The following OPRM1 variants were observed in gnomAD, a reference collection of about 807,000 sequenced individuals.
OPRM1 encodes the protein opioid receptor mu 1.
OPRM1 carries 27 observed loss-of-function variants against 31.8 expected under a neutral mutation model. That is an observed-to-expected ratio of 0.85 (90% CI 0.63 to 1.17). The LOEUF is 1.17. Among genes scored for constraint, OPRM1 ranks in the 50% most tolerant of loss-of-function variants. OPRM1 has a pLI of 0.00. For missense variants in OPRM1, 536 were observed against 511.1 expected, an observed-to-expected ratio of 1.05 and a Z score of -0.47; for synonymous variants, 196 against 189.9, an observed-to-expected ratio of 1.03 and a Z score of -0.26.
chr6:154,199,822 C>T (rs1448290101), intron 3 of OPRM1: 2 of 1,614,200 alleles, frequency 1.2e-6, no homozygotes, highest in East Asian at 2.2e-5. Flanking sequence ...GGATGCCTGC[C>T]TCTGAGGGTA....
At chr6:154,028,124 C>T (rs867989205) in intron 1 of OPRM1, among the ~76,000 whole-genome samples, 1 of 152,206 alleles carries the variant, frequency 6.6e-6, no homozygotes, top group African/African-American at 2.4e-5. Flanking sequence ...CAGTCTTACT[C>T]AAGGCCCTCG....
At chr6:154,069,440 T>C (rs1369138543) in intron 1 of OPRM1, among the ~76,000 whole-genome samples, 6 of 152,166 alleles carry the variant, frequency 3.9e-5, no homozygotes, top group Admixed American at 6.5e-5. Context: ...GGTTTCACCA[T>C]GTTGGCCAGG....
Position 154,167,328 on chromosome 6 carries a change from C to T in OPRM1, c.1164+75856C>T, listed in dbSNP as rs1054320752. On this transcript the variant is annotated intron_variant, in intron 3 of 3. Transcript: ENST00000337049. ...GCTTCAGTACTTCCTGTACACTTTC[C>T]CTTATTCCCATTGTGAAAACATCTG... 5.3e-5 allele frequency among the ~76,000 whole-genome samples: 8 copies of T among 152,270 alleles called. No homozygotes were observed. In the South Asian group the frequency reaches 8.3e-4, roughly 16 times the overall value.
Position 154,055,363 on chromosome 6 carries a change from G to T in OPRM1, c.290+15529G>T, listed in dbSNP as rs1783040237. 3.3e-5 allele frequency among the ~76,000 whole-genome samples: 5 copies of T among 152,072 alleles called. No individual in the cohort carries two copies. The South Asian group carries it at 1.0e-3, about 32-fold the overall frequency. On this transcript the variant is annotated intron_variant, in intron 1 of 3. Transcript: ENST00000330432. ...AGATGGTGCCACTGCACTCCAGTCTGGGTGACAGAGTGAAACATCGTCTGA... is the reference window on the plus strand; with the variant it reads ...AGATGGTGCCACTGCACTCCAGTCTTGGTGACAGAGTGAAACATCGTCTGA...
intron 1 of OPRM1, among the ~76,000 whole-genome samples, chr6:154,073,083 T>C (rs1441420472): frequency 6.6e-6 from 1 of 152,032 alleles, no homozygotes; most frequent in Non-Finnish European, 1.5e-5. Flanking sequence ...AGCAGAGAAA[T>C]GGTGGATGAC....
intron 3 of OPRM1, chr6:154,093,603 C>A: frequency 7.2e-7 from 1 of 1,397,612 alleles, no homozygotes; most frequent in Non-Finnish European, 9.5e-7. Context: ...TTTAAAAATA[C>A]ATCCAATTAG....
intron 3 of OPRM1, among the ~76,000 whole-genome samples, chr6:154,243,910 A>G (rs1338786129): frequency 2.6e-5 from 4 of 152,208 alleles, no homozygotes; most frequent in African/African-American, 9.7e-5. Context: ...GAGAGCATAT[A>G]TGCAAGGTAC....
chr6:154,161,123 CT>C (rs1284198644), intron 3 of OPRM1, among the ~76,000 whole-genome samples: 1 of 152,190 alleles, frequency 6.6e-6, no homozygotes, highest in African/African-American at 2.4e-5. Context: ...TCTTCCTTGC[CT>C]TTCTTCACCT....
chr6:154,062,575 A>G (rs1229057241), intron 1 of OPRM1, among the ~76,000 whole-genome samples: 1 of 152,108 alleles, frequency 6.6e-6, no homozygotes, highest in East Asian at 1.9e-4. Flanking sequence ...CTGAAAAAAA[A>G]ATCTCAATAA....
At chr6:154,204,636 T>C (rs1270841317) in intron 3 of OPRM1, among the ~76,000 whole-genome samples, 1 of 152,196 alleles carries the variant, frequency 6.6e-6, no homozygotes, top group Non-Finnish European at 1.5e-5. Flanking sequence ...TACTCATCAC[T>C]GTGATCCTTA....
chr6:154,102,389 TCAGG>T (rs1794963685), intron 3 of OPRM1, among the ~76,000 whole-genome samples: 1 of 152,300 alleles, frequency 6.6e-6, no homozygotes, highest in Admixed American at 6.5e-5. Flanking sequence ...ATCCAAAGTG[TCAGG>T]CAACTGGCTA....
rs1797858496 is a variant in OPRM1, at chr6:154,130,877, A to G, written c.*12156A>G. 2.0e-5 allele frequency among the ~76,000 whole-genome samples: 3 copies of G among 152,206 alleles called. No individual in the cohort carries two copies. In the South Asian group the frequency reaches 6.2e-4, roughly 32 times the overall value. On this transcript the variant is annotated 3_prime_UTR_variant, in exon 4 of 4. Transcript: ENST00000330432. ...CTTCCCCTGGCAATACATTTCCTGA[A>G]CTTTTACATACTTAAATAGCCAGTT... is the stretch of plus-strand genomic sequence containing the variant.
chr6:154,140,930 C>G (rs1798190792), intron 3 of OPRM1, among the ~76,000 whole-genome samples: 2 of 152,300 alleles, frequency 1.3e-5, no homozygotes, highest in African/African-American at 4.8e-5. Flanking sequence ...GCTGTAGAAG[C>G]CAGACTGAAT....
chr6:154,029,993 G>A (rs1487872742), intron 1 of OPRM1, among the ~76,000 whole-genome samples: 1 of 151,634 alleles, frequency 6.6e-6, no homozygotes, highest in Admixed American at 6.6e-5. Flanking sequence ...AGCAGCGTGA[G>A]AATGGTCTAA....
At chr6:154,108,692 C>T (rs752423558) in intron 3 of OPRM1, 2 of 679,608 alleles carry the variant, frequency 2.9e-6, no homozygotes, top group East Asian at 1.3e-4. Context: ...GGGACTTTAA[C>T]GAGAGGGGTC....
At position 154,118,718 on chromosome 6, in the gene OPRM1, C is replaced by T. The variant is rs199682734; in HGVS notation, c.1200C>T (p.Pro400=). 5.0e-6 allele frequency: 8 copies of T among 1,613,074 alleles called. No homozygotes were observed. Among genetic ancestry groups the T allele is most frequent in the Non-Finnish European group, 6.8e-6 (8 of 1,179,518 alleles). The change falls in exon 4 of 4, where the codon CCC becomes CCT. Residue 400 remains proline (P), a synonymous_variant. Transcript: ENST00000330432. ...ENLEAETAPL[P] Reference sequence around the variant, plus strand: ...TGGAAGCAGAAACTGCTCCGTTGCCCTAACAGGGTCTCATGCCATTCCGAC... The same window carrying T: ...TGGAAGCAGAAACTGCTCCGTTGCCTTAACAGGGTCTCATGCCATTCCGAC...
intron 3 of OPRM1, among the ~76,000 whole-genome samples, chr6:154,106,906 GA>G (rs1159264589): frequency 6.6e-6 from 1 of 152,102 alleles, no homozygotes; most frequent in Non-Finnish European, 1.5e-5. Flanking sequence ...ACATTTTTAA[GA>G]TGTTTTATTT....
chr6:154,194,632 C>T (rs1288605982), intron 3 of OPRM1, among the ~76,000 whole-genome samples: 1 of 152,154 alleles, frequency 6.6e-6, no homozygotes, highest in Non-Finnish European at 1.5e-5. Context: ...CCAGTGACTT[C>T]CTACCACCTA....
chr6:154,099,087 C>G (rs1292461089), intron 3 of OPRM1, among the ~76,000 whole-genome samples: 2 of 152,004 alleles, frequency 1.3e-5, no homozygotes, highest in East Asian at 3.9e-4. Flanking sequence ...CAAGACCAGC[C>G]TGGGCAACCT....
Sources: gnomAD v4.1 joint callset for allele counts (sites outside exome capture counted in the v4.1 genomes callset) on GRCh38, gnomAD v4.1.1 for gene constraint, MANE v1.5 for transcripts, NCBI Gene and HGNC (gene_info 2026-07-23, HGNC 2026-07-21) for gene names.